Variants in GLB1 observed in about 807,000 individuals in gnomAD.
GLB1 encodes the protein galactosidase beta 1.
Under a neutral mutation model 74.0 loss-of-function variants are expected in GLB1, and 56 were observed. That is an observed-to-expected ratio of 0.76 (90% CI 0.61 to 0.94). The LOEUF (loss-of-function observed/expected upper bound fraction) is 0.94, where lower values mean the gene tolerates loss of function less well. Among genes scored for constraint, GLB1 ranks in the 40% least tolerant of loss-of-function variants. The pLI is 0.00. For synonymous variants in GLB1, 323 were observed against 323.6 expected (o/e 1.00, Z 0.02); for missense variants, 787 against 845.5 (o/e 0.93, Z 0.86).
At chr3:33,077,826 A>G (rs1002538642) in intron 1 of GLB1, among the ~76,000 whole-genome samples, 2 of 151,574 alleles carry the variant, frequency 1.3e-5, no homozygotes, top group African/African-American at 4.8e-5. Context: ...TTTATATTTC[A>G]GTAAGTTATT....
intron 1 of GLB1, chr3:33,076,963 C>T (rs1313432221): frequency 2.8e-5 from 25 of 886,514 alleles, no homozygotes; most frequent in Middle Eastern, 4.8e-4. Context: ...ATGGCTCATG[C>T]CTGTAATCCC....
intron 15 of GLB1, among the ~76,000 whole-genome samples, chr3:33,000,182 TC>T (rs1295198483): frequency 6.6e-6 from 1 of 150,570 alleles, no homozygotes; most frequent in Non-Finnish European, 1.5e-5. Flanking sequence ...CAAGTGATCC[TC>T]CCCCATCAGC....
intron 1 of GLB1, among the ~76,000 whole-genome samples, chr3:33,083,620 T>C (rs1700404950): frequency 6.6e-6 from 1 of 152,162 alleles, no homozygotes; most frequent in African/African-American, 2.4e-5. Context: ...CATCAGTATT[T>C]AGTGCATGAG....
chr3:33,076,958 T>C (rs1700131358), intron 1 of GLB1: 1 of 827,632 alleles, frequency 1.2e-6, no homozygotes, highest in Non-Finnish European at 1.6e-6. Context: ...ACACAATGGC[T>C]CATGCCTGTA....
Position 33,058,092 on chromosome 3 carries a change from T to G in GLB1, c.730A>C (p.Thr244Pro). The change falls in exon 6 of 16, where the codon ACA becomes CCA. Residue 244 changes from threonine to proline, a missense_variant. Coordinates refer to ENST00000307363, the MANE Select transcript of GLB1 (RefSeq NM_000404.4). ...TTCTGTTACTACAAACACCAACCTG[T>G]TCCAAAGTCCACCGTGGTGTAGAGG... Reference protein sequence around the residue: ...QGLYTTVDFGTGSNITDAFLS... With the variant: ...QGLYTTVDFGPGSNITDAFLS... 6.2e-7 allele frequency: 1 copy of G among 1,613,546 alleles called. No individual in the cohort carries two copies. Among genetic ancestry groups the G allele is most frequent in the Non-Finnish European group, 8.5e-7 (1 of 1,180,008 alleles).
At chr3:33,089,493 A>T (rs1399422406) in intron 1 of GLB1, among the ~76,000 whole-genome samples, 7 of 152,264 alleles carry the variant, frequency 4.6e-5, no homozygotes, top group Admixed American at 4.6e-4. Context: ...GAAGGTATAC[A>T]GGTGGCCAAC....
In GLB1 at chr3:33,041,904, T is replaced by A. The variant is rs9858291; in HGVS notation, c.1068+4216A>T. On this transcript the variant is annotated intron_variant, in intron 10 of 15. Transcript: ENST00000307363. ...ACTGCCTACTCTACATCTCCACTAG[T>A]ACATATACTAGACAAGTCTAACTTT... Among the ~76,000 whole-genome samples, 9 of 151,920 alleles carry A rather than the reference T, an allele frequency of 5.9e-5. No individual in the cohort carries two copies. In the South Asian group the frequency reaches 1.9e-3, roughly 32 times the overall value.
At chr3:32,982,539 A>T in the GLB1 span, among the ~76,000 whole-genome samples, 1 of 152,154 alleles carries the variant, frequency 6.6e-6, no homozygotes, top group South Asian at 2.1e-4. Context: ...CAACTAAAGT[A>T]GAAATTTTAA....
the GLB1 span, among the ~76,000 whole-genome samples, chr3:32,978,201 A>T: frequency 6.6e-6 from 1 of 152,210 alleles, no homozygotes; most frequent in African/African-American, 2.4e-5. Context: ...CTTAACGTCC[A>T]CAGTTGGGGT....
rs140443576 is a variant in GLB1 at position 33,072,755 on chromosome 3, T to C, written c.76-42A>G. The stretch of plus-strand genomic sequence containing the variant: ...GGGTCACATGAGAACTTCCACCTTC[T>C]GCATTTCAGAAGCCGATCCTTTGAG... On this transcript the variant is annotated intron_variant, in intron 1 of 15. Coordinates refer to ENST00000307363, the MANE Select transcript of GLB1 (RefSeq NM_000404.4). 2.9e-4 allele frequency: 467 copies of C among 1,613,198 alleles called. 2 individuals carry two copies. The African/African-American group carries it at 5.5e-3, about 19-fold the overall frequency.
chr3:33,026,312 C>T (rs1010019775), intron 10 of GLB1, among the ~76,000 whole-genome samples: 5 of 152,234 alleles, frequency 3.3e-5, no homozygotes, highest in African/African-American at 1.2e-4. Context: ...GGTGTGCAAA[C>T]GTTCAGGGTA....
intron 1 of GLB1, chr3:33,077,466 A>G (rs1231087402): frequency 6.6e-6 from 5 of 760,910 alleles, no homozygotes; most frequent in Non-Finnish European, 1.1e-5. Flanking sequence ...GATATGTTCC[A>G]ACAGCAGTCA....
intron 1 of GLB1, among the ~76,000 whole-genome samples, chr3:33,079,291 T>A (rs866312084): frequency 6.6e-5 from 10 of 152,332 alleles, no homozygotes; most frequent in Middle Eastern, 3.4e-3. Flanking sequence ...AGGCATTTGT[T>A]AAAACTCATC....
chr3:33,017,877 G>T (rs1159249422), intron 13 of GLB1, among the ~76,000 whole-genome samples: 4 of 152,130 alleles, frequency 2.6e-5, no homozygotes, highest in Admixed American at 2.6e-4. Flanking sequence ...TTCTGAGAGG[G>T]TGGCGCATCA....
At chr3:33,017,666 T>C (rs554471449) in intron 13 of GLB1, among the ~76,000 whole-genome samples, 1 of 152,360 alleles carries the variant, frequency 6.6e-6, no homozygotes, top group African/African-American at 2.4e-5. Context: ...CACGGTTCTT[T>C]GTGCATTTCA....
At chr3:33,009,158 A>AAAT (rs1559379929) in intron 15 of GLB1, among the ~76,000 whole-genome samples, 5 of 92,238 alleles carry the variant, frequency 5.4e-5, no homozygotes, top group Admixed American at 9.5e-5. Context: ...AATAAATAAA[A>AAAT]AAGATTGTGG....
intron 10 of GLB1, among the ~76,000 whole-genome samples, chr3:33,032,075 C>A (rs1698070160): frequency 6.6e-6 from 1 of 151,932 alleles, no homozygotes. Flanking sequence ...TGGGATTACA[C>A]ACGTGAGCCA....
Position 33,072,541 on chromosome 3 carries a change from T to C in GLB1, c.245+3A>G, listed in dbSNP as rs1162408368. The C allele has an allele frequency of 6.2e-7, 1 of 1,612,904 alleles. No individual in the cohort carries two copies. Among genetic ancestry groups the C allele is most frequent in the Non-Finnish European group, 8.5e-7 (1 of 1,180,006 alleles). On this transcript the variant is annotated splice_donor_region_variant and intron_variant, in intron 2 of 15. Transcript: ENST00000307363. ...GGTGAGAGCCACATGCCCTCCTACT[T>C]ACGTCTGGATGGCGTTCAGCCCAGC...
the GLB1 span, among the ~76,000 whole-genome samples, chr3:32,979,463 C>T: frequency 6.6e-6 from 1 of 151,474 alleles, no homozygotes; most frequent in Non-Finnish European, 1.5e-5. Context: ...TCTGCTTTTA[C>T]ATGTATTACA....
Sources: gnomAD v4.1 joint callset for allele counts (sites outside exome capture counted in the v4.1 genomes callset) on GRCh38, gnomAD v4.1.1 for gene constraint, MANE v1.5 for transcripts, NCBI Gene and HGNC (gene_info 2026-07-23, HGNC 2026-07-21) for gene names.